Variants in HCN1 observed in about 807,000 individuals in gnomAD.
HCN1 encodes the protein hyperpolarization activated cyclic nucleotide gated potassium channel 1.
A neutral mutation model predicts 78.9 loss-of-function variants in HCN1; 13 were observed. That is an observed-to-expected ratio of 0.16 (90% CI 0.11 to 0.26). The LOEUF is 0.26. HCN1 is among the 10% of genes least tolerant of loss of function. The pLI is 1.00. For missense variants in HCN1, 810 were observed against 1,154.3 expected (o/e 0.70, Z 4.32); for synonymous variants, 552 against 455.5 (o/e 1.21, Z -2.70).
intron 2 of HCN1, among the ~76,000 whole-genome samples, chr5:45,550,531 G>C (rs1022470856): frequency 6.6e-6 from 1 of 152,050 alleles, no homozygotes; most frequent in African/African-American, 2.4e-5. Context: ...AGCATTAGGA[G>C]ATATACCTAA....
chr5:45,293,980 C>T (rs866472007), intron 6 of HCN1, among the ~76,000 whole-genome samples: 8 of 151,920 alleles, frequency 5.3e-5, no homozygotes, highest in Admixed American at 3.3e-4. Context: ...AAAAAAACTC[C>T]ATAAGGAGAT....
intron 2 of HCN1, among the ~76,000 whole-genome samples, chr5:45,571,949 A>G (rs903927500): frequency 5.3e-5 from 8 of 152,152 alleles, no homozygotes; most frequent in African/African-American, 1.4e-4. Context: ...AAAAGTCACT[A>G]TGAGTTATGA....
chr5:45,313,426 G>A (rs544334484), intron 5 of HCN1, among the ~76,000 whole-genome samples: 131 of 152,284 alleles, frequency 8.6e-4, no homozygotes, highest in Non-Finnish European at 1.4e-3. Flanking sequence ...AAAAAACAGA[G>A]CAGAAAAGCT....
rs372123789 is a variant in HCN1 at position 45,445,481 on chromosome 5, T to C, written c.1011+16365A>G. Reference sequence around the variant, plus strand: ...AGGGCACAGACAAACAAAAAGACAGTAGTAACCTCTGCAGACCTAAATGTC... The same window carrying C: ...AGGGCACAGACAAACAAAAAGACAGCAGTAACCTCTGCAGACCTAAATGTC... On this transcript the variant is annotated intron_variant, in intron 3 of 7. Coordinates refer to ENST00000303230, the MANE Select transcript of HCN1 (RefSeq NM_021072.4). Among the ~76,000 whole-genome samples the C allele has an allele frequency of 2.9e-3, 448 of 152,220 alleles. 1 individual carries two copies. Among genetic ancestry groups the C allele is most frequent in the African/African-American group, 0.01 (419 of 41,544 alleles).
intron 3 of HCN1, among the ~76,000 whole-genome samples, chr5:45,434,237 A>C (rs1263278355): frequency 6.6e-6 from 1 of 152,132 alleles, no homozygotes; most frequent in Non-Finnish European, 1.5e-5. Context: ...AAAGTGGTAT[A>C]ATATGCATTT....
intron 1 of HCN1, among the ~76,000 whole-genome samples, chr5:45,660,619 C>A (rs1252736028): frequency 6.6e-6 from 1 of 151,676 alleles, no homozygotes; most frequent in East Asian, 1.9e-4. Flanking sequence ...ATCTACCAAG[C>A]CAATGGAAAA....
chr5:45,608,909 T>C (rs1262222321), intron 2 of HCN1, among the ~76,000 whole-genome samples: 1 of 152,024 alleles, frequency 6.6e-6, no homozygotes, highest in Non-Finnish European at 1.5e-5. Flanking sequence ...AAGTGACTCC[T>C]ATGAATCAGT....
intron 2 of HCN1, among the ~76,000 whole-genome samples, chr5:45,462,423 C>T (rs1398355038): frequency 1.3e-5 from 2 of 151,978 alleles, no homozygotes; most frequent in African/African-American, 4.8e-5. Flanking sequence ...AAAGAAAATA[C>T]CCAAGGACTG....
chr5:45,539,412 C>T, intron 2 of HCN1, among the ~76,000 whole-genome samples: 1 of 151,060 alleles, frequency 6.6e-6, no homozygotes. Context: ...CCTGTAATCC[C>T]AGCACTTTGG....
Position 45,262,016 on chromosome 5 carries a change from G to A in HCN1, c.2578C>T (p.Pro860Ser), listed in dbSNP as rs1396579079. ...GGAAGAGCAGCTGCTGGTGGAGGGG[G>A]TGCTGGAGGGACTCCTCGGTTCGGG... ...IPPNRGVPPA[P>S]PPPAAALPRE... The change falls in exon 8 of 8, where the codon CCC (proline) becomes TCC (serine). Residue 860 changes from proline to serine, a missense_variant. Around this residue, in one of 6 missense-constraint regions of HCN1, gnomAD observed 398 missense variants for 381.3 expected, o/e 1.04. Transcript: ENST00000303230. 2 of 1,614,122 alleles carry A rather than the reference G, an allele frequency of 1.2e-6. 1 individual carries two copies. The highest frequency in any genetic ancestry group is 2.2e-5 in the South Asian group (2 of 91,088).
intron 2 of HCN1, among the ~76,000 whole-genome samples, chr5:45,641,250 T>A (rs1745449669): frequency 1.3e-5 from 2 of 152,222 alleles, no homozygotes. Context: ...CTACACCAAT[T>A]TGAATGCTAA....
chr5:45,573,969 A>G (rs776600677), intron 2 of HCN1, among the ~76,000 whole-genome samples: 9 of 152,148 alleles, frequency 5.9e-5, no homozygotes, highest in Non-Finnish European at 1.3e-4. Flanking sequence ...TAAATGTAAG[A>G]TAAGTAGATT....
chr5:45,609,844 T>A (rs1744799954), intron 2 of HCN1, among the ~76,000 whole-genome samples: 1 of 152,152 alleles, frequency 6.6e-6, no homozygotes, highest in Non-Finnish European at 1.5e-5. Context: ...CCTGAGGGGA[T>A]GAGTGAAATT....
At chr5:45,500,954 T>A (rs575119031) in intron 2 of HCN1, among the ~76,000 whole-genome samples, 3 of 152,198 alleles carry the variant, frequency 2.0e-5, no homozygotes, top group Non-Finnish European at 4.4e-5. Context: ...GTCACTTCTT[T>A]TGACAAACTT....
intron 2 of HCN1, among the ~76,000 whole-genome samples, chr5:45,634,359 CTTGAAACATAAA>C (rs887433931): frequency 1.3e-5 from 2 of 151,900 alleles, no homozygotes; most frequent in Non-Finnish European, 2.9e-5. Flanking sequence ...TGATAAAGAT[CTTGAAACATAAA>C]TTAATCATTC....
chr5:45,537,641 A>C (rs1184352310), intron 2 of HCN1, among the ~76,000 whole-genome samples: 1 of 144,800 alleles, frequency 6.9e-6, no homozygotes, highest in Non-Finnish European at 1.5e-5. Flanking sequence ...GGGTTCAAGC[A>C]ATTCTTCTGC....
intron 1 of HCN1, among the ~76,000 whole-genome samples, chr5:45,691,471 C>G (rs1163751192): frequency 6.6e-6 from 1 of 152,014 alleles, no homozygotes; most frequent in Admixed American, 6.6e-5. Context: ...TAAATTCACA[C>G]GTTTAAATCT....
rs956756778 is a variant in HCN1 at position 45,523,688 on chromosome 5, C to T, written c.850-61681G>A. 1.2e-4 allele frequency among the ~76,000 whole-genome samples: 18 copies of T among 152,040 alleles called. 1 individual carries two copies. Among genetic ancestry groups the T allele is most frequent in the Admixed American group, 1.1e-3 (17 of 15,266 alleles). ...GAGAGGTGTCTGTTCATGTCCTTCGCCCACTTTTTGATGGGTTTGTTTGCT... is the reference window on the plus strand; with the variant it reads ...GAGAGGTGTCTGTTCATGTCCTTCGTCCACTTTTTGATGGGTTTGTTTGCT... On this transcript the variant is annotated intron_variant, in intron 2 of 7. Transcript: ENST00000303230.
At chr5:45,303,568 A>G (rs1745670466) in intron 6 of HCN1, 31 bp downstream of exon 6, 2 of 1,610,994 alleles carry the variant, frequency 1.2e-6, no homozygotes, top group African/African-American at 1.3e-5. Context: ...AGCAGTTTAG[A>G]TTTCATCTTA....
Sources: allele counts gnomAD v4.1 joint callset (sites outside exome capture counted in the v4.1 genomes callset), GRCh38; gene constraint gnomAD v4.1.1; regional missense constraint gnomAD v4.1.1; transcripts MANE v1.5; gene names NCBI Gene and HGNC (gene_info 2026-07-23, HGNC 2026-07-21).